The following KCNN2 variants were observed in gnomAD, a reference collection of about 807,000 sequenced individuals.
KCNN2 encodes the protein potassium calcium-activated channel subfamily N member 2, also known as small conductance calcium-activated potassium channel protein 2.
KCNN2 carries 24 observed loss-of-function variants against 55.5 expected under a neutral mutation model. That is an observed-to-expected ratio of 0.43 (90% CI 0.31 to 0.61). KCNN2 has a LOEUF of 0.61. Among genes scored for constraint, KCNN2 ranks in the 20% least tolerant of loss-of-function variants. The probability of loss-of-function intolerance (pLI) is 0.08; values close to 1 mark genes in which losing one functional copy is unlikely to be tolerated. For missense variants in KCNN2, 754 were observed against 853.6 expected, an observed-to-expected ratio of 0.88 and a Z score of 1.45; for synonymous variants, 431 against 336.1, an observed-to-expected ratio of 1.28 and a Z score of -3.09.
chr5:114,362,015 T>A (rs949780883), upstream of KCNN2: 3 of 153,316 alleles, frequency 2.0e-5, no homozygotes, highest in Non-Finnish European at 4.4e-5. Context: ...ACTCGCCGCC[T>A]GGATTCTACC....
intron 3 of KCNN2, among the ~76,000 whole-genome samples, chr5:114,426,392 G>C (rs997110001): frequency 3.9e-5 from 6 of 152,062 alleles, no homozygotes; most frequent in African/African-American, 1.4e-4. Context: ...TGCTGAATTT[G>C]GTTTGCTAGT....
At chr5:114,248,969 G>C (rs1345910556) in intron 2 of KCNN2, among the ~76,000 whole-genome samples, 1 of 152,174 alleles carries the variant, frequency 6.6e-6, no homozygotes, top group Non-Finnish European at 1.5e-5. Flanking sequence ...GTGAAAACCA[G>C]ATTGTCCTGG....
At chr5:114,189,158 G>A (rs115010379) in intron 1 of KCNN2, among the ~76,000 whole-genome samples, 3 of 135,604 alleles carry the variant, frequency 2.2e-5, no homozygotes, top group African/African-American at 8.6e-5. Flanking sequence ...GTGTGTGTAT[G>A]TGTGTGTGTG....
chr5:114,210,961 A>G (rs1376889886), intron 1 of KCNN2, among the ~76,000 whole-genome samples: 1 of 152,178 alleles, frequency 6.6e-6, no homozygotes, highest in Non-Finnish European at 1.5e-5. Flanking sequence ...AGCATATAAA[A>G]AAAGCTCAAT....
intron 2 of KCNN2, among the ~76,000 whole-genome samples, chr5:114,385,513 A>G (rs1268304126): frequency 9.8e-6 from 1 of 102,488 alleles, no homozygotes; most frequent in Non-Finnish European, 1.9e-5. Context: ...GCATACACAC[A>G]TGCGCGCACA....
chr5:114,438,932 C>G (rs1402405466), intron 3 of KCNN2, among the ~76,000 whole-genome samples: 1 of 152,128 alleles, frequency 6.6e-6, no homozygotes, highest in Non-Finnish European at 1.5e-5. Context: ...TAATAACTTT[C>G]TGTGGTGTCA....
At chr5:114,162,501 C>T (rs554396304) in intron 1 of KCNN2, among the ~76,000 whole-genome samples, 1 of 152,264 alleles carries the variant, frequency 6.6e-6, no homozygotes, top group South Asian at 2.1e-4. Flanking sequence ...AGGCTGTGTG[C>T]TGGGAGAACC....
intron 5 of KCNN2, among the ~76,000 whole-genome samples, chr5:114,483,978 A>G (rs1051461639): frequency 6.6e-6 from 1 of 152,202 alleles, no homozygotes; most frequent in Non-Finnish European, 1.5e-5. Flanking sequence ...GCATTGATCC[A>G]TTTAGAGCTT....
intron 2 of KCNN2, among the ~76,000 whole-genome samples, chr5:114,279,805 G>T (rs1057515032): frequency 2.6e-5 from 4 of 151,738 alleles, no homozygotes; most frequent in Non-Finnish European, 5.9e-5. Flanking sequence ...AATCCTTTGG[G>T]TATATACCCA....
intron 1 of KCNN2, among the ~76,000 whole-genome samples, chr5:114,154,647 C>T (rs1187917638): frequency 6.6e-6 from 1 of 152,110 alleles, no homozygotes; most frequent in Non-Finnish European, 1.5e-5. Flanking sequence ...GTCTCTGGGT[C>T]ACCAAAACTT....
In KCNN2 at chr5:114,241,828, A is replaced by G. The variant is rs1271942226; in HGVS notation, c.-185+20263A>G. 1.3e-4 allele frequency among the ~76,000 whole-genome samples: 15 copies of G among 118,268 alleles called. 2 individuals are homozygous for G. The highest frequency in any genetic ancestry group is 1.8e-4 in the Non-Finnish European group (10 of 56,120). The allele number at this position is 118,268 out of a possible 152,430, so 77.6% of individuals were successfully genotyped here. A position where few individuals can be genotyped will look rare whatever the true frequency, so the allele number is the denominator to read the frequency against. ...TACGTATATATATATATGTGTGTATATATATATATATATATATGGAGTGTG... is the reference window on the plus strand; with the variant it reads ...TACGTATATATATATATGTGTGTATGTATATATATATATATATGGAGTGTG... On this transcript the variant is annotated intron_variant, in intron 2 of 10. Transcript: ENST00000512097.
intron 3 of KCNN2, among the ~76,000 whole-genome samples, chr5:114,433,154 T>C (rs1580828152): frequency 6.6e-6 from 1 of 152,194 alleles, no homozygotes; most frequent in African/African-American, 2.4e-5. Flanking sequence ...CTGAGTCTGG[T>C]GGGGCCTTGG....
intron 2 of KCNN2, among the ~76,000 whole-genome samples, chr5:114,379,355 A>G (rs1026835859): frequency 5.9e-5 from 9 of 151,494 alleles, no homozygotes; most frequent in South Asian, 2.1e-4. Flanking sequence ...CTGATTTCCA[A>G]ACTTATTGAC....
At chr5:114,377,678 G>A (rs1757985496) in intron 2 of KCNN2, among the ~76,000 whole-genome samples, 1 of 152,084 alleles carries the variant, frequency 6.6e-6, no homozygotes, top group African/African-American at 2.4e-5. Context: ...AAGAACTTTG[G>A]CTCTGGATCC....
At chr5:114,080,130 G>C (rs979484526) in intron 1 of KCNN2, among the ~76,000 whole-genome samples, 1 of 151,994 alleles carries the variant, frequency 6.6e-6, no homozygotes, top group South Asian at 2.1e-4. Flanking sequence ...AAAATGACTG[G>C]TGTCTCCTCC....
At chr5:114,095,508 A>T (rs1364801845) in intron 1 of KCNN2, among the ~76,000 whole-genome samples, 1 of 152,196 alleles carries the variant, frequency 6.6e-6, no homozygotes, top group Non-Finnish European at 1.5e-5. Flanking sequence ...ATTTGGCATC[A>T]CAGTGGAATT....
intron 2 of KCNN2, among the ~76,000 whole-genome samples, chr5:114,367,265 A>G (rs1372614851): frequency 6.6e-6 from 1 of 152,194 alleles, no homozygotes; most frequent in Non-Finnish European, 1.5e-5. Context: ...ATTTTTCAGT[A>G]CCACAGACAG....
At position 114,118,354 on chromosome 5, in the gene KCNN2, T is replaced by C. The variant is rs538770214; in HGVS notation, c.-271+61854T>C. Among the ~76,000 whole-genome samples, 6 of 152,236 alleles carry C rather than the reference T, an allele frequency of 3.9e-5. No homozygotes were observed. In the South Asian group the frequency reaches 1.2e-3, roughly 32 times the overall value. ...AAAAAGAAAGATTTGTTCTGAGGAA[T>C]TGGCTCATTCCAATTATGGAGGCCA... On this transcript the variant is annotated intron_variant, in intron 1 of 10. Transcript: ENST00000512097.
chr5:114,095,905 T>G (rs1751245701), intron 1 of KCNN2, among the ~76,000 whole-genome samples: 3 of 152,204 alleles, frequency 2.0e-5, no homozygotes, highest in African/African-American at 7.2e-5. Flanking sequence ...TATTTAAGTT[T>G]ACATTTATAT....
Sources: allele counts gnomAD v4.1 joint callset (sites outside exome capture counted in the v4.1 genomes callset), GRCh38; gene constraint gnomAD v4.1.1; transcripts MANE v1.5; gene names NCBI Gene and HGNC (gene_info 2026-07-23, HGNC 2026-07-21).